GJB7: variants seen among roughly 807,000 people sequenced by gnomAD.
GJB7 encodes gap junction protein beta 7, also known as gap junction beta-7 protein.
For missense variants in GJB7, 253 were observed against 256.8 expected (o/e 0.99, Z 0.10); for synonymous variants, 87 against 95.2 (o/e 0.91, Z 0.50).
Position 87,284,814 on chromosome 6 carries a change from C to A in GJB7, c.99G>T (p.Leu33Phe). 6.2e-7 allele frequency: 1 copy of A among 1,614,112 alleles called. No homozygotes were observed. Among genetic ancestry groups the A allele is most frequent in the Non-Finnish European group, 8.5e-7 (1 of 1,180,026 alleles). Residue 33 changes from leucine to phenylalanine, a missense_variant, in exon 3 of 3, where the codon TTG becomes TTT. By Grantham distance (22) the Leu-to-Phe change is conservative. Coordinates refer to ENST00000525899, the MANE Select transcript of GJB7 (RefSeq NM_198568.3). ...GCTCTGCTGCCACCATGTAGACCAG[C>A]AAACGGAAGACAAACACGACAGCCA... is the stretch of plus-strand genomic sequence containing the variant. ...IWLAVVFVFR[L>F]LVYMVAAEHV...
chr6:87,296,840 C>A (rs1377321330), intron 2 of GJB7, among the ~76,000 whole-genome samples: 3 of 152,144 alleles, frequency 2.0e-5, no homozygotes, highest in Non-Finnish European at 2.9e-5. Context: ...ACCTAGCCAT[C>A]TTTTCTTGGT....
intron 1 of GJB7, among the ~76,000 whole-genome samples, chr6:87,325,716 T>G (rs1171712123): frequency 6.6e-6 from 1 of 152,088 alleles, no homozygotes; most frequent in Non-Finnish European, 1.5e-5. Flanking sequence ...AGGATATTGG[T>G]CTAAAATTCT....
At chr6:87,314,355 C>T (rs1435347702) in intron 2 of GJB7, among the ~76,000 whole-genome samples, 1 of 152,088 alleles carries the variant, frequency 6.6e-6, no homozygotes, top group Non-Finnish European at 1.5e-5. Context: ...CCCCTTTTTT[C>T]CCTCCTTTCT....
intron 2 of GJB7, among the ~76,000 whole-genome samples, chr6:87,304,939 A>G (rs184114648): frequency 1.2e-4 from 19 of 152,324 alleles, no homozygotes; most frequent in Non-Finnish European, 2.1e-4. Context: ...CGATTATCTC[A>G]ATAGATGCAG....
intron 2 of GJB7, among the ~76,000 whole-genome samples, chr6:87,292,663 GA>G (rs1361224555): frequency 6.6e-6 from 1 of 152,172 alleles, no homozygotes. Flanking sequence ...AAGATATGTA[GA>G]AATGAAAACA....
chr6:87,288,500 C>T (rs899741736), intron 2 of GJB7, among the ~76,000 whole-genome samples: 10 of 152,160 alleles, frequency 6.6e-5, no homozygotes, highest in Admixed American at 5.9e-4. Context: ...TTATGTATCT[C>T]CAGTGTGGAC....
chr6:87,321,272 T>C (rs541942526), intron 2 of GJB7, among the ~76,000 whole-genome samples: 7 of 150,608 alleles, frequency 4.6e-5, no homozygotes, highest in African/African-American at 7.3e-5. Flanking sequence ...AGATTTTCTA[T>C]AGAATGTAAG....
chr6:87,286,758 G>GGGGTTT (rs1189949742), intron 2 of GJB7, among the ~76,000 whole-genome samples: 1 of 152,104 alleles, frequency 6.6e-6, no homozygotes, highest in Non-Finnish European at 1.5e-5. Context: ...ACTCTGAAAG[G>GGGGTTT]TGGTTTTTGT....
intron 2 of GJB7, among the ~76,000 whole-genome samples, chr6:87,288,433 T>C (rs1243525954): frequency 6.6e-6 from 1 of 152,206 alleles, no homozygotes; most frequent in African/African-American, 2.4e-5. Context: ...CGGAAAATCA[T>C]ATAGTGAATC....
intron 2 of GJB7, among the ~76,000 whole-genome samples, chr6:87,312,189 CT>C (rs1474538132): frequency 6.6e-6 from 1 of 152,040 alleles, no homozygotes; most frequent in Non-Finnish European, 1.5e-5. Flanking sequence ...ATATGTTATA[CT>C]TCAATTAAAC....
At chr6:87,286,247 A>G (rs937827363) in intron 2 of GJB7, among the ~76,000 whole-genome samples, 6 of 152,314 alleles carry the variant, frequency 3.9e-5, no homozygotes, top group Middle Eastern at 3.4e-3. Flanking sequence ...AACTTGATAC[A>G]TCTACAACTG....
intron 2 of GJB7, among the ~76,000 whole-genome samples, chr6:87,296,096 G>T (rs1386386602): frequency 1.3e-5 from 2 of 152,210 alleles, no homozygotes; most frequent in East Asian, 3.9e-4. Flanking sequence ...AAAACATTTA[G>T]AGCCAACTAA....
At chr6:87,300,709 T>G (rs1776308410) in intron 2 of GJB7, among the ~76,000 whole-genome samples, 1 of 152,272 alleles carries the variant, frequency 6.6e-6, no homozygotes, top group African/African-American at 2.4e-5. Context: ...GCAACCACCA[T>G]GTACCAATGT....
intron 2 of GJB7, among the ~76,000 whole-genome samples, chr6:87,292,185 C>T (rs1424420202): frequency 3.3e-5 from 5 of 152,204 alleles, no homozygotes; most frequent in African/African-American, 9.6e-5. Flanking sequence ...AATCCAAAAT[C>T]GCTCATATAC....
chr6:87,311,004 T>C (rs1307841493), intron 2 of GJB7, among the ~76,000 whole-genome samples: 1 of 152,192 alleles, frequency 6.6e-6, no homozygotes, highest in Non-Finnish European at 1.5e-5. Context: ...ATAAACTTCT[T>C]GTAAGTCTAT....
intron 2 of GJB7, among the ~76,000 whole-genome samples, chr6:87,303,576 T>C (rs889047479): frequency 3.6e-4 from 55 of 152,230 alleles, no homozygotes; most frequent in African/African-American, 1.1e-3. Context: ...ACAATGATAA[T>C]GGGAGACTAA....
intron 2 of GJB7, chr6:87,299,396 G>C (rs1447399716): frequency 1.4e-5 from 7 of 490,230 alleles, no homozygotes; most frequent in Non-Finnish European, 2.8e-5. Flanking sequence ...ATTATTAAAG[G>C]CATAAAGTTT....
At chr6:87,306,996 G>T (rs1448762244) in intron 2 of GJB7, among the ~76,000 whole-genome samples, 1 of 152,038 alleles carries the variant, frequency 6.6e-6, no homozygotes, top group Non-Finnish European at 1.5e-5. Flanking sequence ...GACACAGGAA[G>T]GGGAACATCA....
rs953317705 is a variant in GJB7, at chr6:87,284,891, C to T, written c.22G>A (p.Asp8Asn). Residue 8 changes from aspartate (D) to asparagine (N), a missense_variant, in exon 3 of 3, where the codon GAT becomes AAT. Physicochemically the swap from Asp to Asn is conservative, Grantham distance 23. Coordinates refer to ENST00000525899, the MANE Select transcript of GJB7 (RefSeq NM_198568.3). ...TATTTATTTACTCCACTCAGGAGAT[C>T]TCTGAGGAACATCCAACTCATGACT... MSWMFLR[D>N]LLSGVNKYST... is the part of the protein sequence containing the mutation. 1.2e-6 allele frequency: 2 copies of T among 1,612,304 alleles called. No homozygotes were observed. Among genetic ancestry groups the T allele is most frequent in the African/African-American group, 2.7e-5 (2 of 74,908 alleles).
Sources: gnomAD v4.1 joint callset for allele counts (sites outside exome capture counted in the v4.1 genomes callset) on GRCh38, gnomAD v4.1.1 for gene constraint, MANE v1.5 for transcripts, NCBI Gene and HGNC (gene_info 2026-07-23, HGNC 2026-07-21) for gene names.